Variants in LMX1B observed in about 807,000 individuals in gnomAD.
LMX1B encodes the protein LIM homeobox transcription factor 1 beta, also known as LIM homeobox transcription factor 1-beta.
LMX1B carries 12 observed loss-of-function variants against 51.4 expected under a neutral mutation model. That is an observed-to-expected ratio of 0.23 (90% CI 0.15 to 0.38). The LOEUF (loss-of-function observed/expected upper bound fraction) is 0.38. LMX1B is among the 10% of genes least tolerant of loss of function. LMX1B has a pLI of 1.00. For missense variants in LMX1B, 445 were observed against 571.1 expected (o/e 0.78, Z 2.25); for synonymous variants, 237 against 235.4 (o/e 1.01, Z -0.06).
chr9:126,699,107 G>A lies in LMX1B; in HGVS notation c.*2656G>A, dbSNP rs1454975351. On this transcript the variant is annotated 3_prime_UTR_variant, in exon 8 of 8. Transcript: ENST00000373474. ...ATCCTGGGCAGATTCAGGGGCAGAT[G>A]CCCTATCCCCCAGGAGACCTGGCCC... 2 of 152,254 alleles carry A rather than the reference G, an allele frequency of 1.3e-5. No individual in the cohort carries two copies. The highest frequency in any genetic ancestry group is 2.9e-5 in the Non-Finnish European group (2 of 68,072). 9.4% of individuals were successfully genotyped at this position (152,254 alleles called of 1,614,324 possible). A position where few individuals can be genotyped will look rare whatever the true frequency, so the allele number is the denominator to read the frequency against.
rs1394264605 is a variant in LMX1B, at chr9:126,677,142, G to C, written c.327-13694G>C. Reference sequence around the variant, plus strand: ...CCCTGACCTGCCTCGCCTGCCCTTTGCCCGTCCCCAGCCAGAGCGCAGGAG... The same window carrying C: ...CCCTGACCTGCCTCGCCTGCCCTTTCCCCGTCCCCAGCCAGAGCGCAGGAG... On this transcript the variant is annotated intron_variant, in intron 2 of 7. Coordinates refer to ENST00000373474, the MANE Select transcript of LMX1B (RefSeq NM_001174147.2). This position sits in a 1 kb window ranked among gnomAD's most constrained non-coding sequence, Gnocchi z 5.0. Among the ~76,000 whole-genome samples, 1 of 152,140 alleles carries C rather than the reference G, an allele frequency of 6.6e-6. No individual in the cohort carries two copies. The highest frequency in any genetic ancestry group is 1.9e-4 in the East Asian group (1 of 5,192).
chr9:126,693,359 G>A (rs1183703356), intron 4 of LMX1B, 36 bp downstream of exon 4: 4 of 1,573,088 alleles, frequency 2.5e-6, no homozygotes, highest in Non-Finnish European at 3.5e-6. Flanking sequence ...TCAGGCTGAT[G>A]CCCGCACACC....
At chr9:126,653,870 T>A (rs1044733540) in intron 2 of LMX1B, among the ~76,000 whole-genome samples, 1 of 152,048 alleles carries the variant, frequency 6.6e-6, no homozygotes, top group African/African-American at 2.4e-5. Flanking sequence ...GTATCTCTCA[T>A]CTTTACTCCC....
At chr9:126,666,600 G>T (rs960791973) in intron 2 of LMX1B, among the ~76,000 whole-genome samples, 5 of 152,126 alleles carry the variant, frequency 3.3e-5, no homozygotes, top group African/African-American at 1.2e-4. Flanking sequence ...CCTCACTGGC[G>T]CCATTCTATG....
Position 126,690,891 on chromosome 9 carries a change from G to C in LMX1B, c.382G>C (p.Val128Leu), listed in dbSNP as rs1162170192. 2 of 1,613,726 alleles carry C rather than the reference G, an allele frequency of 1.2e-6. No individual in the cohort carries two copies. Among genetic ancestry groups the C allele is most frequent in the African/African-American group, 1.3e-5 (1 of 74,940 alleles). The change falls in exon 3 of 8, where the codon GTG becomes CTG. Residue 128 changes from valine (V) to leucine (L), a missense_variant. Val to Leu is a conservative substitution (Grantham distance 32, BLOSUM62 1). Coordinates refer to ENST00000373474, the MANE Select transcript of LMX1B (RefSeq NM_001174147.2). ...CMEKIAPTEF[V>L]MRALECVYHL... ...GGAGAAGATCGCCCCCACCGAGTTC[G>C]TGATGCGGGCGCTGGAGTGCGTGTA... is the stretch of plus-strand genomic sequence containing the variant.
chr9:126,674,389 T>TGG (rs150764525), intron 2 of LMX1B, among the ~76,000 whole-genome samples: 9 of 152,038 alleles, frequency 5.9e-5, no homozygotes, highest in African/African-American at 1.7e-4. Flanking sequence ...TGGAGGAGGC[T>TGG]GGGGGGGCAT....
At chr9:126,694,853 T>C (rs2030269032) in intron 6 of LMX1B, among the ~76,000 whole-genome samples, 1 of 152,138 alleles carries the variant, frequency 6.6e-6, no homozygotes, top group Non-Finnish European at 1.5e-5. Context: ...AGCTGCTTCC[T>C]GGACACAGCC....
intron 2 of LMX1B, among the ~76,000 whole-genome samples, chr9:126,660,803 G>A (rs916406228): frequency 9.2e-5 from 14 of 152,224 alleles, no homozygotes; most frequent in African/African-American, 1.9e-4. Context: ...TGGCTGTGGC[G>A]GCAGCTCCAA....
At position 126,679,157 on chromosome 9, in the gene LMX1B, C is replaced by T. The variant is rs145901475; in HGVS notation, c.327-11679C>T. Among the ~76,000 whole-genome samples the T allele has an allele frequency of 7.0e-3, 1,071 of 152,354 alleles. 6 individuals carry two copies. Among genetic ancestry groups the T allele is most frequent in the Non-Finnish European group, 0.011 (748 of 68,038 alleles). Reference sequence around the variant, plus strand: ...CCCATCACCTAGCACAGAGCTTAGTCATGGTGGCTTGCTAGTGCCTACAGA... The same window carrying T: ...CCCATCACCTAGCACAGAGCTTAGTTATGGTGGCTTGCTAGTGCCTACAGA... On this transcript the variant is annotated intron_variant, in intron 2 of 7. Transcript: ENST00000373474.
At chr9:126,635,745 G>A (rs536768357) in intron 2 of LMX1B, among the ~76,000 whole-genome samples, 18 of 152,308 alleles carry the variant, frequency 1.2e-4, no homozygotes, top group Admixed American at 4.6e-4. Context: ...TTCCTGCTCC[G>A]AGGCCACCCA....
At chr9:126,678,339 A>AAAAC (rs1564164491) in intron 2 of LMX1B, among the ~76,000 whole-genome samples, 1 of 146,586 alleles carries the variant, frequency 6.8e-6, no homozygotes, top group African/African-American at 2.7e-5. Context: ...CAAAAAAAAA[A>AAAAC]AACAAAAAGA....
At position 126,695,853 on chromosome 9, in the gene LMX1B, C is replaced by T. The variant is rs376497496; in HGVS notation, c.901C>T (p.Arg301Cys). The T allele has an allele frequency of 8.7e-6, 14 of 1,612,870 alleles. No individual in the cohort carries two copies. Among genetic ancestry groups the T allele is most frequent in the Non-Finnish European group, 1.2e-5 (14 of 1,179,620 alleles). The part of the protein sequence containing the change: ...QRLGQEVLSS[R>C]MEGMMASYTP... ...TGTGCCCCCAGAGGTCCTGTCCAGC[C>T]GCATGGAGGGCATGATGGCTTCCTA... The change falls in exon 7 of 8, where the codon CGC becomes TGC. Residue 301 changes from arginine to cysteine, a missense_variant. Physicochemically the swap from Arg to Cys is radical, Grantham distance 180. Transcript: ENST00000373474. The surrounding 1 kb of genome is among the most constrained non-coding windows in gnomAD (Gnocchi z 5.2).
At chr9:126,636,090 C>T (rs1334923367) in intron 2 of LMX1B, among the ~76,000 whole-genome samples, 1 of 152,206 alleles carries the variant, frequency 6.6e-6, no homozygotes, top group Non-Finnish European at 1.5e-5. Context: ...CCCAAGACTG[C>T]AGGCCCCACT....
At chr9:126,664,999 G>C (rs1037321169) in intron 2 of LMX1B, among the ~76,000 whole-genome samples, 2 of 152,242 alleles carry the variant, frequency 1.3e-5, no homozygotes, top group Non-Finnish European at 2.9e-5. Flanking sequence ...CATTGGAGAG[G>C]CTGAAGCATT....
intron 2 of LMX1B, among the ~76,000 whole-genome samples, chr9:126,645,445 T>C (rs1383779190): frequency 2.0e-5 from 3 of 152,200 alleles, no homozygotes; most frequent in Non-Finnish European, 4.4e-5. Flanking sequence ...AGCAGGGCCA[T>C]CTCTAACCCA....
intron 3 of LMX1B, 54 bp downstream of exon 3, chr9:126,691,122 G>A (rs1440011445): frequency 2.8e-6 from 4 of 1,421,116 alleles, no homozygotes; most frequent in South Asian, 1.2e-5. Flanking sequence ...TTGCTGGGGT[G>A]TCCTGGAGGG....
chr9:126,672,768 G>A (rs997067077), intron 2 of LMX1B, among the ~76,000 whole-genome samples: 8 of 152,172 alleles, frequency 5.3e-5, no homozygotes, highest in Non-Finnish European at 8.8e-5. Context: ...GGAGGGGGGC[G>A]CACACAGCCC....
At chr9:126,620,427 C>T (rs1452584904) in intron 2 of LMX1B, among the ~76,000 whole-genome samples, 1 of 152,206 alleles carries the variant, frequency 6.6e-6, no homozygotes, top group African/African-American at 2.4e-5. Flanking sequence ...GTGAGGATTA[C>T]ACAGGCACCT....
At chr9:126,617,136 TTGAA>T (rs1835318127) in intron 2 of LMX1B, among the ~76,000 whole-genome samples, 2 of 152,244 alleles carry the variant, frequency 1.3e-5, no homozygotes, top group South Asian at 2.1e-4. Context: ...GCAGCACAAA[TTGAA>T]TGGGGAAAAT....
Sources: gnomAD v4.1 joint callset for allele counts (sites outside exome capture counted in the v4.1 genomes callset) on GRCh38, gnomAD v4.1.1 for gene constraint, Gnocchi (gnomAD v3.1) non-coding constraint, MANE v1.5 for transcripts, NCBI Gene and HGNC (gene_info 2026-07-23, HGNC 2026-07-21) for gene names.